PRTFDC1: variants seen among roughly 807,000 people sequenced by gnomAD.
PRTFDC1 encodes phosphoribosyltransferase domain-containing protein 1.
Under a neutral mutation model 34.6 loss-of-function variants are expected in PRTFDC1, and 38 were observed. That is an observed-to-expected ratio of 1.10 (90% confidence interval 0.85 to 1.44). The LOEUF (loss-of-function observed/expected upper bound fraction) is 1.44. PRTFDC1 is among the 40% of genes most tolerant of loss of function. PRTFDC1 has a pLI of 0.00. For synonymous variants in PRTFDC1, 93 were observed against 98.1 expected (o/e 0.95, Z 0.31); for missense variants, 270 against 283.0 (o/e 0.95, Z 0.33).
chr10:24,869,155 C>T (rs1196663430), intron 4 of PRTFDC1, among the ~76,000 whole-genome samples: 1 of 151,920 alleles, frequency 6.6e-6, no homozygotes, highest in Non-Finnish European at 1.5e-5. Context: ...TAATTGATAA[C>T]CTTTCACGGA....
intron 2 of PRTFDC1, among the ~76,000 whole-genome samples, chr10:24,941,036 T>TTTGTGTGTG (rs1038732693): frequency 6.7e-6 from 1 of 149,954 alleles, no homozygotes; most frequent in African/African-American, 2.5e-5. Context: ...TAAATTAATC[T>TTTGTGTGTG]TGTGTGTGTG....
intron 3 of PRTFDC1, among the ~76,000 whole-genome samples, chr10:24,891,009 C>T (rs1848251241): frequency 6.6e-6 from 1 of 152,122 alleles, no homozygotes; most frequent in Admixed American, 6.5e-5. Context: ...CAAGGGAGGA[C>T]CCATTTGGGA....
chr10:24,852,359 G>A (rs911807626), intron 7 of PRTFDC1, among the ~76,000 whole-genome samples: 1 of 152,054 alleles, frequency 6.6e-6, no homozygotes, highest in Non-Finnish European at 1.5e-5. Context: ...CACCATGTTG[G>A]CCAGGCCAGT....
intron 3 of PRTFDC1, among the ~76,000 whole-genome samples, chr10:24,895,945 A>T (rs951369800): frequency 4.6e-5 from 7 of 152,078 alleles, no homozygotes; most frequent in Non-Finnish European, 8.8e-5. Context: ...AAATAAAACT[A>T]GTTCCCCCCC....
intron 3 of PRTFDC1, among the ~76,000 whole-genome samples, chr10:24,875,880 G>T: frequency 7.2e-6 from 1 of 139,194 alleles, no homozygotes; most frequent in African/African-American, 2.7e-5. Flanking sequence ...TTAAGAGACA[G>T]GGTCTTGTTC....
intron 3 of PRTFDC1, among the ~76,000 whole-genome samples, chr10:24,885,500 G>GGTTCAAGT (rs1433206506): frequency 6.6e-6 from 1 of 152,164 alleles, no homozygotes; most frequent in African/African-American, 2.4e-5. Flanking sequence ...CCGCCTCCCA[G>GGTTCAAGT]GTTCAAGTGA....
intron 3 of PRTFDC1, among the ~76,000 whole-genome samples, chr10:24,932,460 G>C (rs1051277770): frequency 2.0e-5 from 3 of 151,782 alleles, no homozygotes; most frequent in Non-Finnish European, 4.4e-5. Context: ...TAAGTCATAG[G>C]ATTCAATATA....
intron 3 of PRTFDC1, among the ~76,000 whole-genome samples, chr10:24,877,158 T>A (rs1847980696): frequency 6.6e-6 from 1 of 152,054 alleles, no homozygotes; most frequent in African/African-American, 2.4e-5. Context: ...TTAGGCTGAG[T>A]CAGTGCTCTT....
At chr10:24,926,847 G>A (rs1848883673) in intron 3 of PRTFDC1, among the ~76,000 whole-genome samples, 1 of 152,164 alleles carries the variant, frequency 6.6e-6, no homozygotes, top group South Asian at 2.1e-4. Flanking sequence ...ACACTGGATT[G>A]ATACTATAAT....
chr10:24,935,902 C>G (rs903880246), intron 3 of PRTFDC1, among the ~76,000 whole-genome samples: 1 of 152,178 alleles, frequency 6.6e-6, no homozygotes, highest in Non-Finnish European at 1.5e-5. Flanking sequence ...TGCCAACAGT[C>G]AGTGATCTTG....
chr10:24,937,482 A>G, intron 2 of PRTFDC1, 115 bp from the exon 3 acceptor site: 1 of 935,916 alleles, frequency 1.1e-6, no homozygotes, highest in Non-Finnish European at 1.5e-6. Context: ...ATGTGGGGAA[A>G]ACCTTGGGAA....
chr10:24,922,937 G>A (rs1848814274), intron 3 of PRTFDC1, among the ~76,000 whole-genome samples: 1 of 152,214 alleles, frequency 6.6e-6, no homozygotes, highest in Non-Finnish European at 1.5e-5. Flanking sequence ...GTACACTTCT[G>A]TCCAAATACT....
rs544169553 is a variant in PRTFDC1 at position 24,867,295 on chromosome 10, G to A, written c.405+4703C>T. On this transcript the variant is annotated intron_variant, in intron 4 of 8. Coordinates refer to ENST00000320152, the MANE Select transcript of PRTFDC1 (RefSeq NM_020200.7). ...CTGTCACGGCTCCTTTTGATACCACGATTCCTTCTCTTCCACCCTAACTTG... is the reference window on the plus strand; with the variant it reads ...CTGTCACGGCTCCTTTTGATACCACAATTCCTTCTCTTCCACCCTAACTTG... Among the ~76,000 whole-genome samples the A allele has an allele frequency of 4.8e-4, 73 of 152,116 alleles. 1 individual carries two copies. Among genetic ancestry groups the A allele is most frequent in the African/African-American group, 1.7e-3 (71 of 41,508 alleles).
intron 3 of PRTFDC1, among the ~76,000 whole-genome samples, chr10:24,894,023 A>C (rs1848307244): frequency 6.6e-6 from 1 of 152,194 alleles, no homozygotes; most frequent in Non-Finnish European, 1.5e-5. Flanking sequence ...TGTAGTCCTC[A>C]AAGGAAGTGT....
intron 3 of PRTFDC1, among the ~76,000 whole-genome samples, chr10:24,920,736 A>G (rs1848775968): frequency 6.6e-6 from 1 of 152,216 alleles, no homozygotes; most frequent in Admixed American, 6.5e-5. Flanking sequence ...ATTCTAGTAG[A>G]TGTATTCTGC....
At chr10:24,946,641 T>C (rs547349780) in intron 1 of PRTFDC1, among the ~76,000 whole-genome samples, 1 of 152,328 alleles carries the variant, frequency 6.6e-6, no homozygotes, top group Admixed American at 6.5e-5. Context: ...AGTTAGTGCC[T>C]GCCTCATATG....
chr10:24,900,826 C>A (rs776297504), intron 3 of PRTFDC1, among the ~76,000 whole-genome samples: 2 of 152,040 alleles, frequency 1.3e-5, no homozygotes, highest in African/African-American at 2.4e-5. Flanking sequence ...AAGACTTGGG[C>A]CGAACATTTT....
intron 3 of PRTFDC1, among the ~76,000 whole-genome samples, chr10:24,924,368 G>C (rs926921132): frequency 6.6e-6 from 1 of 152,186 alleles, no homozygotes; most frequent in African/African-American, 2.4e-5. Context: ...CATCAAGGTT[G>C]AAATGAAGGA....
Position 24,849,765 on chromosome 10 carries a change from A to C in PRTFDC1, c.*79T>G. On this transcript the variant is annotated 3_prime_UTR_variant, in exon 9 of 9. Coordinates refer to ENST00000320152, the MANE Select transcript of PRTFDC1 (RefSeq NM_020200.7). ...CTGCTGAGTGAAGATGCCTGGGGGG[A>C]CAAACTTGACAGCTGGCTTCCCAAG... 7.1e-7 allele frequency: 1 copy of C among 1,403,918 alleles called. No individual in the cohort carries two copies. Among genetic ancestry groups the C allele is most frequent in the Admixed American group, 1.7e-5 (1 of 58,636 alleles). 87.0% of individuals were successfully genotyped at this position (1,403,918 alleles called of 1,614,324 possible).
Sources: gnomAD v4.1 joint callset for allele counts (sites outside exome capture counted in the v4.1 genomes callset) on GRCh38, gnomAD v4.1.1 for gene constraint, MANE v1.5 for transcripts, NCBI Gene and HGNC (gene_info 2026-07-23, HGNC 2026-07-21) for gene names.